The following KDM2A variants were observed in gnomAD, a reference collection of about 807,000 sequenced individuals.
The protein encoded by KDM2A is lysine demethylase 2A, also known as lysine-specific demethylase 2A.
In KDM2A, 3 loss-of-function variants were observed where a neutral mutation model predicts 137.3. The ratio of observed to expected loss-of-function variants is 0.02; its 90% CI spans 0.01 to 0.06. KDM2A has a LOEUF of 0.06. Ranked by LOEUF, KDM2A falls within the 10% of genes least tolerant of loss-of-function variation. KDM2A has a pLI of 1.00. For synonymous variants in KDM2A, 512 were observed against 541.5 expected (o/e 0.95, Z 0.76); for missense variants, 738 against 1,510.6 (o/e 0.49, Z 8.48).
intron 2 of KDM2A, 50 bp from the exon 3 acceptor site, chr11:67,180,029 T>C (rs1857054012): frequency 1.3e-6 from 2 of 1,571,444 alleles, no homozygotes; most frequent in Admixed American, 1.9e-5. Context: ...CACTTGTAGG[T>C]AGGCATGAAA....
At chr11:67,234,743 C>T (rs1858817269) in intron 12 of KDM2A, among the ~76,000 whole-genome samples, 1 of 152,118 alleles carries the variant, frequency 6.6e-6, no homozygotes, top group South Asian at 2.1e-4. Context: ...ATCCCAGCTA[C>T]GTGGAAGGCT....
rs1416519406 is a variant in KDM2A, at chr11:67,250,290, G to A, written c.2260G>A (p.Asp754Asn). 5.0e-6 allele frequency: 8 copies of A among 1,613,830 alleles called. No homozygotes were observed. The African/African-American group carries it at 1.1e-4, about 22-fold the overall frequency. Residue 754 changes from aspartate to asparagine, a missense_variant, in exon 17 of 21, where the codon GAT (aspartate) becomes AAT (asparagine). By Grantham distance (23) the Asp-to-Asn change is conservative (BLOSUM62 1). Around this residue, in one of 9 missense-constraint regions of KDM2A, gnomAD observed 244 missense variants for 324.6 expected, o/e 0.75. Coordinates refer to ENST00000529006, the MANE Select transcript of KDM2A (RefSeq NM_012308.3). This position sits in a 1 kb window ranked among gnomAD's most constrained non-coding sequence, Gnocchi z 7.1. ...CAGCGACCACCACAGTGCCAGCCGC[G>A]ATGAGCGCTTCAAACGGCGGCAGTT... is the stretch of plus-strand genomic sequence containing the variant. ...GPSDHHSASRDERFKRRQLLR... is the reference protein window; with the variant it reads ...GPSDHHSASRNERFKRRQLLR...
chr11:67,192,266 G>A (rs928993035), intron 5 of KDM2A, among the ~76,000 whole-genome samples: 2 of 151,804 alleles, frequency 1.3e-5, no homozygotes, highest in Non-Finnish European at 2.9e-5. Flanking sequence ...ATATTGCTTT[G>A]CATGTTTTTA....
chr11:67,129,273 A>G (rs1274326464), intron 2 of KDM2A, among the ~76,000 whole-genome samples: 1 of 152,228 alleles, frequency 6.6e-6, no homozygotes, highest in Non-Finnish European at 1.5e-5. Flanking sequence ...AGAACAAATA[A>G]TAAAGTGTCT....
intron 6 of KDM2A, among the ~76,000 whole-genome samples, chr11:67,208,941 AT>A (rs1162233641): frequency 7.4e-5 from 11 of 148,606 alleles, no homozygotes; most frequent in East Asian, 2.0e-4. Flanking sequence ...ATTATTTATT[AT>A]TTTTTTTTTG....
intron 2 of KDM2A, among the ~76,000 whole-genome samples, chr11:67,125,401 G>A (rs1720465926): frequency 6.6e-6 from 1 of 151,582 alleles, no homozygotes; most frequent in Non-Finnish European, 1.5e-5. Context: ...GGCTAGTCTT[G>A]AACTCCTGGG....
At chr11:67,209,397 A>T (rs952742468) in intron 6 of KDM2A, among the ~76,000 whole-genome samples, 1 of 151,198 alleles carries the variant, frequency 6.6e-6, no homozygotes, top group Non-Finnish European at 1.5e-5. Flanking sequence ...TTATTTATTT[A>T]TAATTTTATT....
Position 67,257,782 on chromosome 11 carries a change from G to A in KDM2A, c.*2727G>A, listed in dbSNP as rs751060906. On this transcript the variant is annotated 3_prime_UTR_variant, in exon 21 of 21. Coordinates refer to ENST00000529006, the MANE Select transcript of KDM2A (RefSeq NM_012308.3). The stretch of plus-strand genomic sequence containing the variant: ...TTGTGCTAAAAAGTTTAAATTAAAT[G>A]TAAGCATTAAGGGGATAAGTCTTAT... 1.3e-5 allele frequency: 2 copies of A among 152,108 alleles called. No homozygotes were observed. Among genetic ancestry groups the A allele is most frequent in the Non-Finnish European group, 2.9e-5 (2 of 68,032 alleles). The allele number at this position is 152,108 out of a possible 1,614,324, so 9.4% of individuals were successfully genotyped here.
chr11:67,242,912 C>A, intron 12 of KDM2A, 97 bp from the exon 13 acceptor site: 1 of 856,928 alleles, frequency 1.2e-6, no homozygotes. Flanking sequence ...TCCCTTGCTA[C>A]TCAAGGGTAC....
At chr11:67,148,419 CA>C (rs1047146330) in intron 2 of KDM2A, among the ~76,000 whole-genome samples, 1 of 151,550 alleles carries the variant, frequency 6.6e-6, no homozygotes, top group African/African-American at 2.4e-5. Context: ...AGACCTAATT[CA>C]AAAAAGAAAG....
At chr11:67,232,985 C>T (rs1163509063) in intron 12 of KDM2A, among the ~76,000 whole-genome samples, 20 of 151,986 alleles carry the variant, frequency 1.3e-4, no homozygotes, top group Non-Finnish European at 5.9e-5. Context: ...GCTGGGATTA[C>T]GGGCATGAGC....
In KDM2A at chr11:67,250,876, C is replaced by A; in HGVS notation, c.2768+78C>A. On this transcript the variant is annotated intron_variant, in intron 17 of 20. Transcript: ENST00000529006. The surrounding 1 kb of genome is among the most constrained non-coding windows in gnomAD (Gnocchi z 7.1). ...GTTTTCCATATGAGAACAGCATGCA[C>A]CTTGGCATCTGAAAGCCTGTGGGGT... is the stretch of plus-strand genomic sequence containing the variant. The A allele has an allele frequency of 9.2e-7, 1 of 1,091,416 alleles. No individual in the cohort carries two copies. Among genetic ancestry groups the A allele is most frequent in the Non-Finnish European group, 1.3e-6 (1 of 751,474 alleles). The allele number at this position is 1,091,416 out of a possible 1,614,324, so 67.6% of individuals were successfully genotyped here. A position where few individuals can be genotyped will look rare whatever the true frequency, so the allele number is the denominator to read the frequency against.
At chr11:67,234,932 G>T (rs1385254463) in intron 12 of KDM2A, among the ~76,000 whole-genome samples, 1 of 151,954 alleles carries the variant, frequency 6.6e-6, no homozygotes, top group Non-Finnish European at 1.5e-5. Context: ...GGATCATGAG[G>T]TCAGGAGATC....
intron 5 of KDM2A, chr11:67,196,070 AGTTAAG>A (rs1454928858): frequency 1.0e-5 from 4 of 397,768 alleles, no homozygotes; most frequent in Non-Finnish European, 2.0e-5. Flanking sequence ...ACCCCATCCC[AGTTAAG>A]CTGAGTCACA....
chr11:67,224,596 T>A (rs1858475632), intron 10 of KDM2A, among the ~76,000 whole-genome samples: 1 of 149,184 alleles, frequency 6.7e-6, no homozygotes, highest in African/African-American at 2.5e-5. Context: ...GCCTCCCGAG[T>A]AGCTGGGGCT....
chr11:67,172,616 TTGTGTG>T (rs35333315), intron 2 of KDM2A, among the ~76,000 whole-genome samples: 1,921 of 145,714 alleles, frequency 0.013, 18 homozygotes, highest in South Asian at 0.023. Flanking sequence ...GCTCTTATAG[TTGTGTG>T]TGTGTGTGTG....
chr11:67,166,582 G>A (rs911922261), intron 2 of KDM2A, among the ~76,000 whole-genome samples: 4 of 152,068 alleles, frequency 2.6e-5, no homozygotes, highest in East Asian at 1.9e-4. Context: ...CTTCTTGCCC[G>A]GCATGGTGGC....
Position 67,245,641 on chromosome 11 carries a change from C to G in KDM2A, c.1833+183C>G. ...ATAGAAGGTATCTAGTACTAAAAAT[C>G]CGATTTAATCTTTAGGCTTTACCTA... On this transcript the variant is annotated intron_variant, in intron 14 of 20. Transcript: ENST00000529006. The surrounding 1 kb of genome is among the most constrained non-coding windows in gnomAD (Gnocchi z 4.1). 1.5e-6 allele frequency: 1 copy of G among 670,402 alleles called. No homozygotes were observed. The highest frequency in any genetic ancestry group is 2.5e-6 in the Non-Finnish European group (1 of 403,766). 41.5% of individuals were successfully genotyped at this position (670,402 alleles called of 1,614,324 possible).
intron 10 of KDM2A, 156 bp downstream of exon 10, chr11:67,219,559 A>T (rs182800538): frequency 0.016 from 5,260 of 332,242 alleles, 37 homozygotes; most frequent in Non-Finnish European, 0.021. Context: ...TTTAAATTTA[A>T]TTTTTTTTTT....
Sources: gnomAD v4.1 joint callset for allele counts (sites outside exome capture counted in the v4.1 genomes callset) on GRCh38, gnomAD v4.1.1 for gene constraint, gnomAD v4.1.1 regional missense constraint, Gnocchi (gnomAD v3.1) non-coding constraint, MANE v1.5 for transcripts, NCBI Gene and HGNC (gene_info 2026-07-23, HGNC 2026-07-21) for gene names.